The following RALYL variants were observed in gnomAD, a reference collection of about 807,000 sequenced individuals.
RALYL encodes the protein RNA-binding Raly-like protein.
RALYL carries 29 observed loss-of-function variants against 35.1 expected under a neutral mutation model. The observed-to-expected ratio is 0.83, with a 90% CI of 0.61 to 1.13. The LOEUF (loss-of-function observed/expected upper bound fraction) is 1.13, where lower values mean the gene tolerates loss of function less well. Among genes scored for constraint, RALYL ranks in the 50% most tolerant of loss-of-function variants. The pLI is 0.00. For missense variants in RALYL, 359 were observed against 360.4 expected, an observed-to-expected ratio of 1.00 and a Z score of 0.03; for synonymous variants, 120 against 127.6, an observed-to-expected ratio of 0.94 and a Z score of 0.40.
At chr8:84,683,316 CT>C (rs1836012776) in intron 2 of RALYL, among the ~76,000 whole-genome samples, 1 of 152,022 alleles carries the variant, frequency 6.6e-6, no homozygotes, top group South Asian at 2.1e-4. Context: ...AATGTATATT[CT>C]GTTGATTTGG....
intron 1 of RALYL, among the ~76,000 whole-genome samples, chr8:84,347,354 C>T (rs950335353): frequency 5.3e-5 from 8 of 152,080 alleles, no homozygotes; most frequent in African/African-American, 1.9e-4. Flanking sequence ...AGATTTTATA[C>T]TCTGCTATCC....
At chr8:84,326,291 T>G (rs753054521) in intron 1 of RALYL, among the ~76,000 whole-genome samples, 5 of 152,084 alleles carry the variant, frequency 3.3e-5, no homozygotes, top group Middle Eastern at 3.4e-3. Context: ...ATCCTTATAC[T>G]GTTTTAGATA....
At chr8:84,324,944 A>G (rs953609852) in intron 1 of RALYL, among the ~76,000 whole-genome samples, 1 of 152,062 alleles carries the variant, frequency 6.6e-6, no homozygotes, top group Non-Finnish European at 1.5e-5. Context: ...TACCTCCCAC[A>G]CTGTCACTTC....
At chr8:84,336,792 T>G (rs181485505) in intron 1 of RALYL, among the ~76,000 whole-genome samples, 17 of 152,092 alleles carry the variant, frequency 1.1e-4, no homozygotes, top group Admixed American at 5.3e-4. Flanking sequence ...AAACAGAAAG[T>G]GAGGGCCATC....
At chr8:84,540,749 C>T (rs1283084402) in intron 2 of RALYL, among the ~76,000 whole-genome samples, 1 of 151,984 alleles carries the variant, frequency 6.6e-6, no homozygotes, top group African/African-American at 2.4e-5. Context: ...GGTAACATTT[C>T]ATAACATTTG....
At chr8:84,256,911 G>A (rs757765242) in intron 1 of RALYL, among the ~76,000 whole-genome samples, 16 of 151,726 alleles carry the variant, frequency 1.1e-4, no homozygotes, top group South Asian at 2.1e-4. Context: ...TCTGTGTCTC[G>A]CTAATATTAT....
intron 2 of RALYL, among the ~76,000 whole-genome samples, chr8:84,564,611 C>T (rs997975468): frequency 6.6e-6 from 1 of 151,574 alleles, no homozygotes; most frequent in African/African-American, 2.4e-5. Flanking sequence ...TTATTATCTT[C>T]CTGCTAATCG....
At position 84,612,533 on chromosome 8, in the gene RALYL, T is replaced by A. The variant is rs551541920; in HGVS notation, c.256+82956T>A. Reference sequence around the variant, plus strand: ...AAGTGACTATGCAAAAGAAAATAGATCCAGCCTGTTACTCTACTCCAGAAG... The same window carrying A: ...AAGTGACTATGCAAAAGAAAATAGAACCAGCCTGTTACTCTACTCCAGAAG... On this transcript the variant is annotated intron_variant, in intron 2 of 8. Transcript: ENST00000521268. Among the ~76,000 whole-genome samples the A allele has an allele frequency of 2.0e-5, 3 of 152,084 alleles. No homozygotes were observed. In the South Asian group the frequency reaches 6.2e-4, roughly 32 times the overall value.
chr8:84,311,803 C>G (rs1842872319), intron 1 of RALYL, among the ~76,000 whole-genome samples: 1 of 152,110 alleles, frequency 6.6e-6, no homozygotes, highest in Non-Finnish European at 1.5e-5. Flanking sequence ...AAGCATGGTA[C>G]TGTACATATA....
intron 4 of RALYL, among the ~76,000 whole-genome samples, chr8:84,829,701 TG>T (rs1223801782): frequency 2.0e-5 from 3 of 152,154 alleles, no homozygotes; most frequent in African/African-American, 7.2e-5. Context: ...TTGTTATTTG[TG>T]GAAGTTATAT....
chr8:84,656,280 T>A (rs1451119623), intron 2 of RALYL, among the ~76,000 whole-genome samples: 2 of 152,140 alleles, frequency 1.3e-5, no homozygotes, highest in Non-Finnish European at 2.9e-5. Flanking sequence ...TTTCTCATAT[T>A]ATTGAGGTTC....
intron 2 of RALYL, among the ~76,000 whole-genome samples, chr8:84,737,490 CTA>C (rs1359551511): frequency 1.5e-4 from 23 of 152,048 alleles, no homozygotes; most frequent in African/African-American, 5.3e-4. Flanking sequence ...TATACACAGA[CTA>C]GTGCTATTGG....
At chr8:84,788,758 C>A (rs962753609) in intron 3 of RALYL, among the ~76,000 whole-genome samples, 4 of 152,168 alleles carry the variant, frequency 2.6e-5, no homozygotes, top group African/African-American at 9.7e-5. Flanking sequence ...CAGGCCAGGA[C>A]AGAATGCCGA....
chr8:84,341,778 G>T, intron 1 of RALYL, among the ~76,000 whole-genome samples: 1 of 151,464 alleles, frequency 6.6e-6, no homozygotes. Flanking sequence ...CAGCTGTAAA[G>T]ATAACCATTG....
chr8:84,659,723 T>C (rs1830562260), intron 2 of RALYL, among the ~76,000 whole-genome samples: 1 of 152,196 alleles, frequency 6.6e-6, no homozygotes, highest in Non-Finnish European at 1.5e-5. Flanking sequence ...GTCACAATAA[T>C]ATAAATATCA....
At chr8:84,343,435 C>A (rs1023719436) in intron 1 of RALYL, among the ~76,000 whole-genome samples, 2 of 151,884 alleles carry the variant, frequency 1.3e-5, no homozygotes, top group African/African-American at 4.8e-5. Context: ...CCAAATAATA[C>A]AAAATTGAAA....
intron 1 of RALYL, among the ~76,000 whole-genome samples, chr8:84,355,617 G>C (rs1053951836): frequency 1.3e-5 from 2 of 150,394 alleles, no homozygotes; most frequent in Non-Finnish European, 3.0e-5. Flanking sequence ...GCGATATAAA[G>C]AGAATGTGGT....
chr8:84,298,275 A>G (rs973705173), intron 1 of RALYL, among the ~76,000 whole-genome samples: 1 of 152,126 alleles, frequency 6.6e-6, no homozygotes, highest in Non-Finnish European at 1.5e-5. Context: ...TCCCAGCACC[A>G]TTTATTGAAC....
At chr8:84,194,250 A>G (rs113564659) in intron 1 of RALYL, among the ~76,000 whole-genome samples, 1,769 of 152,338 alleles carry the variant, frequency 0.012, 16 homozygotes, top group South Asian at 0.029. Flanking sequence ...AACCTGTAAC[A>G]GGATGACAAG....
Sources: allele counts gnomAD v4.1 joint callset (sites outside exome capture counted in the v4.1 genomes callset), GRCh38; gene constraint gnomAD v4.1.1; transcripts MANE v1.5; gene names NCBI Gene and HGNC (gene_info 2026-07-23, HGNC 2026-07-21).